PRPSAP1: variants seen among roughly 807,000 people sequenced by gnomAD.
PRPSAP1 encodes the protein phosphoribosyl pyrophosphate synthetase associated protein 1, also known as phosphoribosyl pyrophosphate synthase-associated protein 1.
Under a neutral mutation model 39.4 loss-of-function variants are expected in PRPSAP1, and 31 were observed. That is an observed-to-expected ratio of 0.79 (90% CI 0.59 to 1.06). PRPSAP1 has a LOEUF of 1.06. Ranked by LOEUF, PRPSAP1 falls within the 50% of genes least tolerant of loss-of-function variation. The pLI, the probability that PRPSAP1 is intolerant of heterozygous loss-of-function variation, is 0.00. For synonymous variants in PRPSAP1, 212 were observed against 192.6 expected (o/e 1.10, Z -0.83); for missense variants, 430 against 511.6 (o/e 0.84, Z 1.54).
At chr17:76,338,655 A>G (rs1300718960) in intron 3 of PRPSAP1, among the ~76,000 whole-genome samples, 1 of 152,112 alleles carries the variant, frequency 6.6e-6, no homozygotes, top group African/African-American at 2.4e-5. Context: ...GTAAGCCGAG[A>G]TTGTGCCACT....
At chr17:76,334,414 T>C (rs2071357777) in intron 3 of PRPSAP1, among the ~76,000 whole-genome samples, 1 of 152,254 alleles carries the variant, frequency 6.6e-6, no homozygotes, top group Non-Finnish European at 1.5e-5. Context: ...AGATGCTTTC[T>C]AGCTTGAAGG....
intron 1 of PRPSAP1, among the ~76,000 whole-genome samples, chr17:76,349,690 G>A (rs1220791207): frequency 6.6e-6 from 1 of 151,058 alleles, no homozygotes; most frequent in Non-Finnish European, 1.5e-5. Flanking sequence ...GAATCCAGGA[G>A]GCAGAGGTTG....
At chr17:76,344,770 A>C in intron 2 of PRPSAP1, 33 bp from the exon 3 acceptor site, 1 of 1,481,126 alleles carries the variant, frequency 6.8e-7, no homozygotes, top group Non-Finnish European at 9.2e-7. Flanking sequence ...AGTTTTAAGA[A>C]AAGCTCCTAT....
intron 1 of PRPSAP1, among the ~76,000 whole-genome samples, chr17:76,350,790 C>T (rs1312171216): frequency 6.6e-5 from 10 of 152,158 alleles, no homozygotes; most frequent in East Asian, 1.9e-4. Context: ...GGCGGCACTT[C>T]GGGAGGCCAA....
rs1416332311 is a variant in PRPSAP1 at position 76,311,627 on chromosome 17, C to T, written c.1073G>A (p.Ser358Asn). 1 of 1,614,186 alleles carries T rather than the reference C, an allele frequency of 6.2e-7. No homozygotes were observed. Among genetic ancestry groups the T allele is most frequent in the Non-Finnish European group, 8.5e-7 (1 of 1,180,022 alleles). ...CCGAATGGCTTCAGAAAGAATCAAA[C>T]TGATATCCACAGTCTTTATCTTGGG... ...QCPKIKTVDI[S>N]LILSEAIRRI... The change falls in exon 10 of 10, where the codon AGT becomes AAT. Residue 358 changes from serine to asparagine, a missense_variant. This residue lies in a region of PRPSAP1 where 278 missense variants were observed against 376.3 expected (regional missense o/e 0.74). Transcript: ENST00000446526.
intron 1 of PRPSAP1, among the ~76,000 whole-genome samples, chr17:76,349,553 G>C (rs1425687190): frequency 6.6e-6 from 1 of 152,042 alleles, no homozygotes; most frequent in African/African-American, 2.4e-5. Context: ...CTGAGGTCAG[G>C]AGTTCGAGAC....
At chr17:76,318,599 G>A (rs1405724569) in intron 7 of PRPSAP1, among the ~76,000 whole-genome samples, 2 of 152,152 alleles carry the variant, frequency 1.3e-5, no homozygotes, top group East Asian at 3.8e-4. Context: ...TTGGATAACT[G>A]ACACACAGAT....
At chr17:76,319,472 TTTTA>T (rs1466253522) in intron 7 of PRPSAP1, 1 of 151,030 alleles carries the variant, frequency 6.6e-6, no homozygotes, top group Non-Finnish European at 1.5e-5. Flanking sequence ...GACCGATTTA[TTTTA>T]TTTTTTTTTC....
In PRPSAP1 at chr17:76,332,300, A is replaced by G. The variant is rs2071330098; in HGVS notation, c.426T>C (p.Ile142=). Residue 142 remains isoleucine, a synonymous_variant, in exon 4 of 10, where the codon ATT becomes ATC. Coordinates refer to ENST00000446526, the MANE Select transcript of PRPSAP1 (RefSeq NM_002766.3). The part of the protein sequence containing the change: ...KQSKMRKRGS[I]VCKLLASMLA... ...GCATGGATGCTAGCAGCTTGCACACAATGGAACCCCTCTTCCTCATCTTGC... is the reference window on the plus strand; with the variant it reads ...GCATGGATGCTAGCAGCTTGCACACGATGGAACCCCTCTTCCTCATCTTGC... The G allele has an allele frequency of 2.5e-6, 4 of 1,614,066 alleles. No homozygotes were observed. Among genetic ancestry groups the G allele is most frequent in the Non-Finnish European group, 3.4e-6 (4 of 1,180,014 alleles).
chr17:76,339,025 C>T (rs2071407393), intron 3 of PRPSAP1, among the ~76,000 whole-genome samples: 1 of 147,808 alleles, frequency 6.8e-6, no homozygotes, highest in African/African-American at 2.5e-5. Flanking sequence ...AAGAAAGAAA[C>T]TCGTCTCAAA....
At chr17:76,337,350 A>T (rs2071389921) in intron 3 of PRPSAP1, 1 of 152,404 alleles carries the variant, frequency 6.6e-6, no homozygotes, top group African/African-American at 2.4e-5. Context: ...CTAAAATTGG[A>T]ATGATACAGA....
At chr17:76,313,743 A>T in intron 8 of PRPSAP1, 78 bp downstream of exon 8, 1 of 1,470,388 alleles carries the variant, frequency 6.8e-7, no homozygotes, top group Non-Finnish European at 9.5e-7. Flanking sequence ...GTTCCTAGAA[A>T]TACAGTCCCA....
chr17:76,341,970 C>G (rs2071444211), intron 3 of PRPSAP1, among the ~76,000 whole-genome samples: 1 of 151,896 alleles, frequency 6.6e-6, no homozygotes, highest in Admixed American at 6.6e-5. Flanking sequence ...AACAAAACCA[C>G]CAGGCAAAAA....
At chr17:76,352,662 AAAAAAGAAAAG>A (rs2071589805) in intron 1 of PRPSAP1, among the ~76,000 whole-genome samples, 1 of 151,002 alleles carries the variant, frequency 6.6e-6, no homozygotes, top group African/African-American at 2.4e-5. Context: ...AAAAAAAAAA[AAAAAAGAAAAG>A]AAAAAGAAAA....
At chr17:76,332,520 C>G (rs1471970604) in intron 3 of PRPSAP1, 85 bp from the exon 4 acceptor site, 1 of 1,474,302 alleles carries the variant, frequency 6.8e-7, no homozygotes, top group Non-Finnish European at 9.2e-7. Context: ...TTAACATGGG[C>G]TGCCCAGATG....
In PRPSAP1 at chr17:76,330,027, T is replaced by C. The variant is rs778297572; in HGVS notation, c.635+16A>G. The C allele has an allele frequency of 1.4e-5, 22 of 1,610,418 alleles. 1 individual carries two copies. Among genetic ancestry groups the C allele is most frequent in the South Asian group, 9.9e-5 (9 of 91,010 alleles). On this transcript the variant is annotated intron_variant, in intron 6 of 9. Transcript: ENST00000446526. ...AGCACTCAGGAGGGATCAGGACCCA[T>C]GTCTAGCTTACTTACCTCTTTGCAG...
At chr17:76,328,631 AAAC>A (rs922811363) in intron 7 of PRPSAP1, 83 bp downstream of exon 7, 9 of 1,498,286 alleles carry the variant, frequency 6.0e-6, no homozygotes, top group East Asian at 2.4e-5. Flanking sequence ...AAACAAAACA[AAAC>A]AACAACAACA....
In PRPSAP1 at chr17:76,320,353, A is replaced by AT. The variant is rs1567799242; in HGVS notation, c.782-6463_782-6462insA. ...GGAGGGAGGGAGGGAGGAAGGAAGG[A>AT]AGAAAAAGGAAGAAAGGCAGGCATA... On this transcript the variant is annotated intron_variant, in intron 7 of 9. Transcript: ENST00000446526. Among the ~76,000 whole-genome samples the AT allele has an allele frequency of 8.4e-5, 10 of 118,618 alleles. No homozygotes were observed. The East Asian group carries it at 1.9e-3, about 22-fold the overall frequency. 77.8% of individuals were successfully genotyped at this position (118,618 alleles called of 152,430 possible). A position where few individuals can be genotyped will look rare whatever the true frequency, so the allele number is the denominator to read the frequency against.
intron 7 of PRPSAP1, among the ~76,000 whole-genome samples, 164 bp downstream of exon 7, chr17:76,328,553 C>T (rs2071278477): frequency 1.3e-5 from 2 of 152,034 alleles, no homozygotes; most frequent in Admixed American, 6.6e-5. Context: ...AGGTTGCAGT[C>T]AGCCAAGATC....
Sources: gnomAD v4.1 joint callset for allele counts (sites outside exome capture counted in the v4.1 genomes callset) on GRCh38, gnomAD v4.1.1 for gene constraint, gnomAD v4.1.1 regional missense constraint, MANE v1.5 for transcripts, NCBI Gene and HGNC (gene_info 2026-07-23, HGNC 2026-07-21) for gene names.